SARNP: variants seen among roughly 807,000 people sequenced by gnomAD.
SARNP encodes the protein SAP domain-containing ribonucleoprotein.
In SARNP, 5 loss-of-function variants were observed where a neutral mutation model predicts 38.1. The observed-to-expected ratio is 0.13, with a 90% confidence interval of 0.07 to 0.28. SARNP has a LOEUF of 0.28. SARNP is among the 10% of genes least tolerant of loss of function. The pLI is 1.00. For synonymous variants in SARNP, 84 were observed against 80.6 expected (o/e 1.04, Z -0.23); for missense variants, 180 against 243.9 (o/e 0.74, Z 1.75).
intron 1 of SARNP, among the ~76,000 whole-genome samples, chr12:55,808,718 A>T (rs1419897529): frequency 6.6e-6 from 1 of 151,858 alleles, no homozygotes; most frequent in Admixed American, 6.6e-5. Flanking sequence ...CTGTGATCAC[A>T]CCACTGTACT....
At chr12:55,777,478 G>C (rs867480658) in intron 9 of SARNP, among the ~76,000 whole-genome samples, 2 of 151,606 alleles carry the variant, frequency 1.3e-5, no homozygotes, top group Non-Finnish European at 2.9e-5. Flanking sequence ...GGGTTCAAGC[G>C]ATTCTCCTGC....
chr12:55,797,413 A>C (rs1879852821), intron 4 of SARNP, among the ~76,000 whole-genome samples: 1 of 152,220 alleles, frequency 6.6e-6, no homozygotes. Flanking sequence ...TTAAATAGTC[A>C]AGGAATCTAA....
chr12:55,789,716 G>A (rs550490372), intron 8 of SARNP, among the ~76,000 whole-genome samples: 1 of 152,202 alleles, frequency 6.6e-6, no homozygotes, highest in South Asian at 2.1e-4. Flanking sequence ...GGCCGAGGCA[G>A]GTGGATCACC....
intron 10 of SARNP, 40 bp downstream of exon 10, chr12:55,760,511 T>G: frequency 9.3e-7 from 1 of 1,072,608 alleles, no homozygotes; most frequent in South Asian, 1.3e-5. Flanking sequence ...CACTCTAATT[T>G]CCCTTCAAGG....
At chr12:55,768,648 G>T (rs910089750) in intron 9 of SARNP, among the ~76,000 whole-genome samples, 2 of 151,916 alleles carry the variant, frequency 1.3e-5, no homozygotes, top group African/African-American at 4.8e-5. Flanking sequence ...GGCTGGTCTC[G>T]AACTCCTGAC....
chr12:55,766,355 G>A (rs562784740), intron 9 of SARNP, among the ~76,000 whole-genome samples: 2 of 151,986 alleles, frequency 1.3e-5, no homozygotes, highest in Non-Finnish European at 2.9e-5. Flanking sequence ...GTCCTTACTG[G>A]CCAAATACAT....
chr12:55,777,480 T>C (rs1879216838), intron 9 of SARNP, among the ~76,000 whole-genome samples: 1 of 152,036 alleles, frequency 6.6e-6, no homozygotes, highest in South Asian at 2.1e-4. Flanking sequence ...GTTCAAGCGA[T>C]TCTCCTGCCT....
chr12:55,758,286 A>C (rs911740979), intron 10 of SARNP, among the ~76,000 whole-genome samples: 1 of 152,240 alleles, frequency 6.6e-6, no homozygotes, highest in Non-Finnish European at 1.5e-5. Flanking sequence ...GAAGAGTGTT[A>C]GCTGATCTGA....
chr12:55,802,665 A>G (rs971840383), intron 2 of SARNP, among the ~76,000 whole-genome samples: 1 of 151,776 alleles, frequency 6.6e-6, no homozygotes, highest in African/African-American at 2.4e-5. Flanking sequence ...GAAAAAACTA[A>G]AATCTGAAAC....
intron 9 of SARNP, among the ~76,000 whole-genome samples, chr12:55,774,579 C>A (rs138877224): frequency 0.048 from 5,026 of 105,368 alleles, 347 homozygotes; most frequent in African/African-American, 0.16. Context: ...AAAAAACAAA[C>A]AAAAAAAAAA....
chr12:55,800,768 C>T, intron 3 of SARNP, 86 bp downstream of exon 3: 4 of 1,341,942 alleles, frequency 3.0e-6, no homozygotes, highest in Non-Finnish European at 4.3e-6. Flanking sequence ...AAATTTACAT[C>T]TAAGTCCTCC....
rs557981493 is a variant in SARNP, at chr12:55,803,555, A to G, written c.136+74T>C. 2.9e-5 allele frequency: 27 copies of G among 943,546 alleles called. No homozygotes were observed. In the African/African-American group the frequency reaches 4.5e-4, roughly 16 times the overall value. The allele number at this position is 943,546 out of a possible 1,614,324, so 58.4% of individuals were successfully genotyped here. ...TACATTGCTAATGACCTGAAAAAAA[A>G]AAAAGAAATCTTTTCAGTGTCAAAG... On this transcript the variant is annotated intron_variant, in intron 2 of 10. Transcript: ENST00000336133.
At chr12:55,798,079 C>T (rs1425415100) in intron 4 of SARNP, among the ~76,000 whole-genome samples, 1 of 152,126 alleles carries the variant, frequency 6.6e-6, no homozygotes. Context: ...ATCCCCATAA[C>T]ATTTCTATTT....
Position 55,803,648 on chromosome 12 carries a change from C to T in SARNP, c.117G>A (p.Gln39=), listed in dbSNP as rs1286124274. 1.9e-6 allele frequency: 3 copies of T among 1,612,124 alleles called. No homozygotes were observed. The highest frequency in any genetic ancestry group is 2.5e-6 in the Non-Finnish European group (3 of 1,178,518). The change falls in exon 2 of 11, where the codon CAG becomes CAA. Residue 39 remains glutamine (Q), a synonymous_variant. Coordinates refer to ENST00000336133, the MANE Select transcript of SARNP (RefSeq NM_033082.4). ...GIKQDLIHRL[Q]AYLEEHAEEE... ...ACTCACCATGTTCTTCAAGATATGC[C>T]TGGAGTCTGTGGATAAGATCTTGCT...
At chr12:55,794,318 A>C in intron 7 of SARNP, 41 bp downstream of exon 7, 1 of 1,547,622 alleles carries the variant, frequency 6.5e-7, no homozygotes, top group Non-Finnish European at 8.9e-7. Context: ...AAAAGAAAGA[A>C]TAAAAAGGTA....
chr12:55,806,739 C>A (rs935772712), intron 1 of SARNP, among the ~76,000 whole-genome samples: 1 of 152,250 alleles, frequency 6.6e-6, no homozygotes, highest in African/African-American at 2.4e-5. Context: ...GGGGTTTCAC[C>A]ATATTGGCCA....
At chr12:55,757,779 G>A (rs887815205) in intron 10 of SARNP, among the ~76,000 whole-genome samples, 1 of 152,154 alleles carries the variant, frequency 6.6e-6, no homozygotes, top group Non-Finnish European at 1.5e-5. Flanking sequence ...GAGGAGTAAA[G>A]AAGATTACTG....
chr12:55,816,056 G>C (rs557877835), intron 1 of SARNP: 1 of 152,312 alleles, frequency 6.6e-6, no homozygotes, highest in South Asian at 2.1e-4. Context: ...AGGACTTTAC[G>C]TAAAAGTTAC....
intron 9 of SARNP, among the ~76,000 whole-genome samples, chr12:55,765,343 C>T (rs981247300): frequency 2.6e-5 from 4 of 152,150 alleles, no homozygotes; most frequent in African/African-American, 9.7e-5. Context: ...TAGCCACCTG[C>T]CTCGCTGCCC....
Sources: allele counts gnomAD v4.1 joint callset (sites outside exome capture counted in the v4.1 genomes callset), GRCh38; gene constraint gnomAD v4.1.1; transcripts MANE v1.5; gene names NCBI Gene and HGNC (gene_info 2026-07-23, HGNC 2026-07-21).